The following DLG2 variants were observed in gnomAD, a reference collection of about 807,000 sequenced individuals.
DLG2 encodes the protein discs large MAGUK scaffold protein 2.
Under a neutral mutation model 132.5 loss-of-function variants are expected in DLG2, and 45 were observed. The observed-to-expected ratio is 0.34, with a 90% CI of 0.27 to 0.44. The LOEUF (loss-of-function observed/expected upper bound fraction) is 0.44. DLG2 is among the 20% of genes least tolerant of loss of function. The pLI is 1.00. For missense variants in DLG2, 1,045 were observed against 1,196.9 expected (o/e 0.87, Z 1.87); for synonymous variants, 424 against 419.6 (o/e 1.01, Z -0.13).
intron 6 of DLG2, among the ~76,000 whole-genome samples, chr11:84,852,930 G>C (rs2082332146): frequency 6.6e-6 from 1 of 151,964 alleles, no homozygotes; most frequent in Non-Finnish European, 1.5e-5. Flanking sequence ...ACCAAATTTA[G>C]CAAAGCTAAA....
intron 19 of DLG2, among the ~76,000 whole-genome samples, chr11:83,582,400 C>T (rs2096995877): frequency 6.6e-6 from 1 of 152,126 alleles, no homozygotes; most frequent in Admixed American, 6.5e-5. Flanking sequence ...ATCCAATAAC[C>T]AAAAAGACAC....
intron 6 of DLG2, among the ~76,000 whole-genome samples, chr11:84,728,138 T>G (rs964784140): frequency 1.3e-5 from 2 of 152,054 alleles, no homozygotes; most frequent in African/African-American, 4.8e-5. Context: ...TGAATAGGAG[T>G]GGTGAGAGAG....
intron 3 of DLG2, among the ~76,000 whole-genome samples, chr11:85,365,507 T>C (rs1391779398): frequency 6.6e-6 from 1 of 152,192 alleles, no homozygotes; most frequent in African/African-American, 2.4e-5. Flanking sequence ...ATTTCACACA[T>C]TGTGGAAGAC....
intron 4 of DLG2, among the ~76,000 whole-genome samples, chr11:85,197,627 A>C (rs913685017): frequency 3.9e-5 from 6 of 152,184 alleles, no homozygotes; most frequent in Non-Finnish European, 7.4e-5. Context: ...TCTAGACATA[A>C]ATTTCTGAAA....
intron 7 of DLG2, among the ~76,000 whole-genome samples, chr11:84,383,433 A>G (rs2098755958): frequency 6.6e-6 from 1 of 152,126 alleles, no homozygotes; most frequent in Non-Finnish European, 1.5e-5. Context: ...AGCAAAGGTG[A>G]TGGGATGTCA....
chr11:85,167,392 T>C (rs2078530412), intron 4 of DLG2, among the ~76,000 whole-genome samples: 1 of 152,124 alleles, frequency 6.6e-6, no homozygotes, highest in Non-Finnish European at 1.5e-5. Flanking sequence ...GAGGAGTCTT[T>C]AGGTGGGGTT....
intron 9 of DLG2, among the ~76,000 whole-genome samples, chr11:84,157,996 C>T (rs1344541294): frequency 6.6e-6 from 1 of 151,632 alleles, no homozygotes; most frequent in African/African-American, 2.4e-5. Flanking sequence ...TCATAGAATT[C>T]ATAGGCCAGT....
intron 6 of DLG2, among the ~76,000 whole-genome samples, chr11:85,086,922 A>G (rs1034397705): frequency 6.6e-6 from 1 of 152,218 alleles, no homozygotes; most frequent in African/African-American, 2.4e-5. Context: ...GTTTAACATA[A>G]TACGAAAGCT....
rs890471414 is a variant in DLG2 at position 85,473,265 on chromosome 11, T to A, written c.40+125392A>T. On this transcript the variant is annotated intron_variant, in intron 3 of 27. Coordinates refer to ENST00000376104, the MANE Select transcript of DLG2 (RefSeq NM_001142699.3). ...TAGCTCAGTCATCCTGAGTGAAACTTGAGCAGAGGCACCATTGGCCACAAG... is the reference window on the plus strand; with the variant it reads ...TAGCTCAGTCATCCTGAGTGAAACTAGAGCAGAGGCACCATTGGCCACAAG... 7.9e-5 allele frequency among the ~76,000 whole-genome samples: 12 copies of A among 152,302 alleles called. No individual in the cohort carries two copies. In the East Asian group the frequency reaches 2.1e-3, roughly 27 times the overall value.
At chr11:85,380,904 C>A (rs1260972955) in intron 3 of DLG2, among the ~76,000 whole-genome samples, 1 of 152,154 alleles carries the variant, frequency 6.6e-6, no homozygotes, top group Non-Finnish European at 1.5e-5. Context: ...GCAGCAACCA[C>A]AAACTCAAAA....
At chr11:85,547,878 A>T (rs1370812958) in intron 3 of DLG2, among the ~76,000 whole-genome samples, 1 of 152,082 alleles carries the variant, frequency 6.6e-6, no homozygotes, top group Non-Finnish European at 1.5e-5. Flanking sequence ...TCTAGTTAGC[A>T]ATTCGTCTAA....
intron 17 of DLG2, among the ~76,000 whole-genome samples, chr11:83,828,971 CTG>C (rs2053698872): frequency 6.6e-6 from 1 of 151,982 alleles, no homozygotes; most frequent in Non-Finnish European, 1.5e-5. Context: ...ATTCTATAGT[CTG>C]TGTGTGAGAG....
At chr11:84,394,630 CT>C (rs1174648097) in intron 7 of DLG2, among the ~76,000 whole-genome samples, 2 of 151,730 alleles carry the variant, frequency 1.3e-5, no homozygotes, top group South Asian at 2.1e-4. Flanking sequence ...CTTACTTTTT[CT>C]TTTTTTTATT....
chr11:84,788,801 T>C (rs2073361363), intron 6 of DLG2, among the ~76,000 whole-genome samples: 1 of 152,148 alleles, frequency 6.6e-6, no homozygotes, highest in Non-Finnish European at 1.5e-5. Flanking sequence ...CACATAATAA[T>C]GTATGTTGAC....
intron 6 of DLG2, among the ~76,000 whole-genome samples, chr11:84,553,074 T>TCTTGAAATG (rs1220099745): frequency 2.0e-5 from 3 of 152,308 alleles, no homozygotes; most frequent in Admixed American, 2.0e-4. Context: ...TTTCCTTCTG[T>TCTTGAAATG]CTTGAAATGA....
chr11:84,989,694 T>C (rs2056880474), intron 6 of DLG2, among the ~76,000 whole-genome samples: 1 of 152,216 alleles, frequency 6.6e-6, no homozygotes, highest in African/African-American at 2.4e-5. Context: ...GTAGGAAGAC[T>C]CATTCTACCC....
intron 6 of DLG2, among the ~76,000 whole-genome samples, chr11:85,051,735 A>T (rs1008133994): frequency 6.6e-6 from 1 of 152,096 alleles, no homozygotes; most frequent in Non-Finnish European, 1.5e-5. Flanking sequence ...TCAAAGTCTC[A>T]TTTTTTCTAG....
At chr11:84,273,450 CA>C (rs1404987175) in intron 7 of DLG2, 3 of 647,876 alleles carry the variant, frequency 4.6e-6, no homozygotes, top group East Asian at 1.4e-4. Context: ...ATGACTTGAA[CA>C]GAGACAGATG....
chr11:84,149,992 G>A (rs963820513), intron 9 of DLG2, among the ~76,000 whole-genome samples: 2 of 152,170 alleles, frequency 1.3e-5, no homozygotes, highest in South Asian at 2.1e-4. Context: ...TCCTAACCTC[G>A]TGATCCACCC....
Sources: gnomAD v4.1 joint callset for allele counts (sites outside exome capture counted in the v4.1 genomes callset) on GRCh38, gnomAD v4.1.1 for gene constraint, MANE v1.5 for transcripts, NCBI Gene and HGNC (gene_info 2026-07-23, HGNC 2026-07-21) for gene names.